Variants in EDA observed in about 807,000 individuals in gnomAD.
EDA encodes the protein ectodysplasin A, also known as ectodysplasin-A.
Under a neutral mutation model 23.6 loss-of-function variants are expected in EDA, and 2 were observed. That is an observed-to-expected ratio of 0.08 (90% CI 0.03 to 0.27). EDA has a LOEUF of 0.27. Among genes scored for constraint, EDA ranks in the 10% least tolerant of loss-of-function variants. The probability of loss-of-function intolerance (pLI) is 1.00; values close to 1 mark genes in which losing one functional copy is unlikely to be tolerated. For missense variants in EDA, 229 were observed against 324.2 expected (o/e 0.71, Z 2.26); for synonymous variants, 131 against 132.0 (o/e 0.99, Z 0.05).
intron 1 of EDA, among the ~76,000 whole-genome samples, chrX:69,664,666 T>TTGTGTGTG (rs35371760): frequency 0.028 from 2,934 of 104,021 alleles, 71 homozygotes; most frequent in African/African-American, 0.081. Flanking sequence ...TAATATTTCA[T>TTGTGTGTG]TGTGTGTGTG....
chrX:70,014,242 A>G (rs764411236), intron 2 of EDA, among the ~76,000 whole-genome samples: 61 of 112,900 alleles, frequency 5.4e-4, no homozygotes, highest in Non-Finnish European at 9.6e-4. Flanking sequence ...GAGGAACCAC[A>G]TGGCTGGGCA....
intron 2 of EDA, among the ~76,000 whole-genome samples, chrX:70,011,980 C>T (rs942920077): frequency 9.0e-6 from 1 of 111,552 alleles, no homozygotes; most frequent in African/African-American, 3.3e-5. Flanking sequence ...GCTAGACCTG[C>T]TGCTGCTGGC....
At chrX:69,692,983 A>G (rs935865442) in intron 1 of EDA, 2 of 111,945 alleles carry the variant, frequency 1.8e-5, no homozygotes, top group Non-Finnish European at 3.8e-5. Context: ...GATCATTTCT[A>G]TAGTTTATTA....
intron 1 of EDA, among the ~76,000 whole-genome samples, chrX:69,745,516 C>A (rs146642807): frequency 0.024 from 2,694 of 111,300 alleles, 66 homozygotes; most frequent in African/African-American, 0.085. Flanking sequence ...CTTAAAAAAT[C>A]ATTTTACTTT....
intron 1 of EDA, among the ~76,000 whole-genome samples, chrX:69,714,442 C>G (rs1048277600): frequency 9.0e-6 from 1 of 111,608 alleles, no homozygotes; most frequent in Non-Finnish European, 1.9e-5. Flanking sequence ...TTTTATAGAT[C>G]ATACTTTTTG....
intron 1 of EDA, among the ~76,000 whole-genome samples, chrX:69,723,253 C>CTGGT (rs765927845): frequency 1.2e-4 from 13 of 112,171 alleles, no homozygotes; most frequent in Non-Finnish European, 2.3e-4. Context: ...ATTAGCCTTT[C>CTGGT]TGGTTAACCA....
chrX:69,650,667 A>T (rs1322579961), intron 1 of EDA, among the ~76,000 whole-genome samples: 3 of 112,166 alleles, frequency 2.7e-5, no homozygotes, highest in Non-Finnish European at 1.9e-5. Context: ...GTATGCTTGT[A>T]TCAAAATATC....
intron 1 of EDA, among the ~76,000 whole-genome samples, chrX:69,895,613 T>C (rs2018003117): frequency 8.9e-6 from 1 of 112,043 alleles, no homozygotes; most frequent in Admixed American, 9.5e-5. Context: ...TCCTACATTA[T>C]ATAAATGTTG....
intron 1 of EDA, among the ~76,000 whole-genome samples, chrX:69,889,078 G>A (rs1164557336): frequency 1.1e-5 from 1 of 88,200 alleles, no homozygotes; most frequent in Non-Finnish European, 2.2e-5. Context: ...ATAGACAAGG[G>A]TTTCAATTTC....
At chrX:69,858,578 G>T (rs2017308601) in intron 1 of EDA, among the ~76,000 whole-genome samples, 1 of 112,021 alleles carries the variant, frequency 8.9e-6, no homozygotes, top group South Asian at 3.7e-4. Context: ...CAGGGATAAA[G>T]TATATTTGAT....
intron 2 of EDA, among the ~76,000 whole-genome samples, chrX:70,012,268 A>C (rs1300640180): frequency 1.8e-5 from 2 of 112,325 alleles, no homozygotes; most frequent in African/African-American, 6.5e-5. Context: ...GGTATGAATA[A>C]GGTTCTGAAG....
chrX:69,893,589 G>A (rs971607068), intron 1 of EDA, among the ~76,000 whole-genome samples: 1 of 112,258 alleles, frequency 8.9e-6, no homozygotes, highest in East Asian at 2.8e-4. Context: ...ATCAGTTCAT[G>A]TTCCACATAA....
At chrX:69,957,858 G>A (rs1017090859) in intron 2 of EDA, among the ~76,000 whole-genome samples, 1 of 111,927 alleles carries the variant, frequency 8.9e-6, no homozygotes, top group Non-Finnish European at 1.9e-5. Flanking sequence ...TTTTATCAAT[G>A]TTGGTATCCA....
At position 70,035,913 on chromosome X, in the gene EDA, T is replaced by C. The variant is rs776639182; in HGVS notation, c.*304T>C. 20 of 343,878 alleles carry C rather than the reference T, an allele frequency of 5.8e-5. No individual in the cohort carries two copies. The highest frequency in any genetic ancestry group is 4.4e-4 in the African/African-American group (17 of 38,238). The allele number at this position is 343,878 out of a possible 1,213,427, so 28.3% of individuals were successfully genotyped here. On this transcript the variant is annotated 3_prime_UTR_variant, in exon 8 of 8. Coordinates refer to ENST00000374552, the MANE Select transcript of EDA (RefSeq NM_001399.5). ...ACCCCGAGGTCCCTGTTGTCAGATCTATTGTTTGTTGCACTAAAATGAGGA... is the reference window on the plus strand; with the variant it reads ...ACCCCGAGGTCCCTGTTGTCAGATCCATTGTTTGTTGCACTAAAATGAGGA...
At chrX:69,885,399 A>G (rs1185346123) in intron 1 of EDA, among the ~76,000 whole-genome samples, 2 of 111,931 alleles carry the variant, frequency 1.8e-5, no homozygotes, top group Admixed American at 9.5e-5. Flanking sequence ...TTCTGTCTCT[A>G]AGAATTTGAC....
intron 1 of EDA, among the ~76,000 whole-genome samples, chrX:69,753,183 A>G (rs2013962362): frequency 9.0e-6 from 1 of 111,581 alleles, no homozygotes; most frequent in Non-Finnish European, 1.9e-5. Flanking sequence ...TGTCAATTTT[A>G]GATCTTTCCT....
intron 1 of EDA, among the ~76,000 whole-genome samples, chrX:69,848,863 G>A (rs1030581588): frequency 1.8e-5 from 2 of 110,789 alleles, no homozygotes; most frequent in African/African-American, 6.6e-5. Context: ...TTGTGAAGCC[G>A]TCATATGTGA....
chrX:69,679,525 A>G (rs1328279196), intron 1 of EDA, among the ~76,000 whole-genome samples: 6 of 111,415 alleles, frequency 5.4e-5, no homozygotes, highest in African/African-American at 1.6e-4. Context: ...TCAGAGATTC[A>G]ACATCTTCCT....
intron 1 of EDA, among the ~76,000 whole-genome samples, chrX:69,930,719 A>G (rs1193105485): frequency 9.0e-6 from 1 of 111,569 alleles, no homozygotes; most frequent in Non-Finnish European, 1.9e-5. Flanking sequence ...CAATTTAGAA[A>G]GGAAATAAAA....
Sources: allele counts gnomAD v4.1 joint callset (sites outside exome capture counted in the v4.1 genomes callset), GRCh38; gene constraint gnomAD v4.1.1; transcripts MANE v1.5; gene names NCBI Gene and HGNC (gene_info 2026-07-23, HGNC 2026-07-21).